TYW1B: variants seen among roughly 807,000 people sequenced by gnomAD.
TYW1B encodes tRNA-yW synthesizing protein 1 homolog B.
Under a neutral mutation model 86.9 loss-of-function variants are expected in TYW1B, and 73 were observed. That is an observed-to-expected ratio of 0.84 (90% confidence interval 0.70 to 1.02). TYW1B has a LOEUF of 1.02. Ranked by LOEUF, TYW1B falls within the 50% of genes least tolerant of loss-of-function variation. TYW1B has a pLI of 0.00. For synonymous variants in TYW1B, 248 were observed against 292.8 expected (o/e 0.85, Z 1.56); for missense variants, 637 against 827.4 (o/e 0.77, Z 2.82).
intron 11 of TYW1B, among the ~76,000 whole-genome samples, chr7:72,654,454 G>A (rs1373864214): frequency 6.6e-6 from 1 of 152,214 alleles, no homozygotes; most frequent in Non-Finnish European, 1.5e-5. Flanking sequence ...AAACTGTCCA[G>A]CCTAGAGAAG....
chr7:72,744,410 G>C (rs1787357654), intron 8 of TYW1B, 74 bp downstream of exon 8: 1 of 1,413,732 alleles, frequency 7.1e-7, no homozygotes, highest in Non-Finnish European at 1.0e-6. Flanking sequence ...GGGTAAGTCT[G>C]AGTGTGAGCT....
chr7:72,681,080 A>G (rs1227451951), intron 11 of TYW1B, among the ~76,000 whole-genome samples: 1 of 152,164 alleles, frequency 6.6e-6, no homozygotes, highest in Non-Finnish European at 1.5e-5. Context: ...AGGTGAGAAA[A>G]GTGAGTCCCT....
intron 13 of TYW1B, among the ~76,000 whole-genome samples, chr7:72,578,150 G>C (rs1811070843): frequency 7.1e-6 from 1 of 139,926 alleles, no homozygotes; most frequent in Non-Finnish European, 1.5e-5. Flanking sequence ...GTCTCGCTCT[G>C]TCACCCAGGC....
intron 5 of TYW1B, among the ~76,000 whole-genome samples, chr7:72,804,096 T>C (rs782565738): frequency 1.0e-4 from 15 of 149,628 alleles, no homozygotes; most frequent in Admixed American, 1.3e-4. Context: ...ACCAGCCTGA[T>C]CAACATGGTG....
At chr7:72,629,190 G>A (rs1364373537) in intron 11 of TYW1B, among the ~76,000 whole-genome samples, 193 bp from the exon 12 acceptor site, 1 of 152,180 alleles carries the variant, frequency 6.6e-6, no homozygotes, top group East Asian at 1.9e-4. Context: ...ATGCCTTATG[G>A]AAGGCACATG....
At chr7:72,635,577 C>G (rs1489318077) in intron 11 of TYW1B, among the ~76,000 whole-genome samples, 1 of 152,148 alleles carries the variant, frequency 6.6e-6, no homozygotes, top group Non-Finnish European at 1.5e-5. Flanking sequence ...TTGAAAAATC[C>G]TACAGTGGAG....
At chr7:72,823,902 C>T (rs1788879168) in intron 2 of TYW1B, among the ~76,000 whole-genome samples, 3 of 152,158 alleles carry the variant, frequency 2.0e-5, no homozygotes, top group Admixed American at 6.6e-5. Flanking sequence ...TCATTATTAA[C>T]TTTCTGTACA....
intron 10 of TYW1B, among the ~76,000 whole-genome samples, chr7:72,710,001 C>T (rs1174336914): frequency 4.6e-5 from 7 of 152,168 alleles, no homozygotes; most frequent in Non-Finnish European, 2.9e-5. Context: ...AGAAGACTCA[C>T]CAGCAAGAGA....
chr7:72,787,068 T>C (rs368403596), intron 6 of TYW1B, among the ~76,000 whole-genome samples: 1 of 152,024 alleles, frequency 6.6e-6, no homozygotes, highest in African/African-American at 2.4e-5. Flanking sequence ...AAAACATTCA[T>C]ACATTTTTCA....
At chr7:72,811,460 A>G (rs1406753213) in intron 3 of TYW1B, among the ~76,000 whole-genome samples, 1 of 151,982 alleles carries the variant, frequency 6.6e-6, no homozygotes, top group Non-Finnish European at 1.5e-5. Context: ...CTGTGGTGTC[A>G]GAAAGACGAG....
At chr7:72,688,631 T>C (rs1554449838) in intron 11 of TYW1B, among the ~76,000 whole-genome samples, 1 of 152,192 alleles carries the variant, frequency 6.6e-6, no homozygotes, top group Non-Finnish European at 1.5e-5. Flanking sequence ...CTTTGCCTTC[T>C]TTAGGCACTT....
At chr7:72,584,370 T>C (rs1428634104) in intron 13 of TYW1B, among the ~76,000 whole-genome samples, 1 of 152,188 alleles carries the variant, frequency 6.6e-6, no homozygotes, top group Admixed American at 6.5e-5. Flanking sequence ...GTTTGTTTGT[T>C]TGTTTTACCC....
At chr7:72,635,158 C>T (rs1454859806) in intron 11 of TYW1B, among the ~76,000 whole-genome samples, 4 of 152,030 alleles carry the variant, frequency 2.6e-5, no homozygotes, top group African/African-American at 7.2e-5. Context: ...CTGACTTTTG[C>T]GTGTGGTGTT....
chr7:72,575,186 G>C lies in TYW1B; in HGVS notation c.*312C>G. 8.8e-7 allele frequency: 1 copy of C among 1,137,014 alleles called. No homozygotes were observed. The highest frequency in any genetic ancestry group is 1.1e-6 in the Non-Finnish European group (1 of 924,682). The allele number at this position is 1,137,014 out of a possible 1,614,324, so 70.4% of individuals were successfully genotyped here. A position where few individuals can be genotyped will look rare whatever the true frequency, so the allele number is the denominator to read the frequency against. ...CACTCTCAGGACTAGCATTCTGGCA[G>C]GTCTTAGAAGTTATAATACAAAACC... On this transcript the variant is annotated 3_prime_UTR_variant, in exon 14 of 14. Transcript: ENST00000620995.
intron 11 of TYW1B, among the ~76,000 whole-genome samples, chr7:72,690,299 T>TC: frequency 1.1e-5 from 1 of 90,236 alleles, no homozygotes; most frequent in Admixed American, 1.1e-4. Context: ...TATATTTCTC[T>TC]TTTTTTAAAA....
At chr7:72,596,452 C>T (rs1347726516) in intron 13 of TYW1B, among the ~76,000 whole-genome samples, 2 of 151,922 alleles carry the variant, frequency 1.3e-5, no homozygotes, top group African/African-American at 4.8e-5. Flanking sequence ...ATATGTAGAA[C>T]AATGGAATAG....
intron 11 of TYW1B, among the ~76,000 whole-genome samples, chr7:72,661,117 A>C (rs1813317645): frequency 6.6e-6 from 1 of 151,372 alleles, no homozygotes; most frequent in Non-Finnish European, 1.5e-5. Context: ...TCTGGACATC[A>C]GAGTAAGACT....
rs543557799 is a variant in TYW1B at position 72,662,759 on chromosome 7, T to G, written c.1506+31928A>C. On this transcript the variant is annotated intron_variant, in intron 11 of 13. Transcript: ENST00000620995. ...TATTCCTATGAAAGTGGCAAATGAGTTTTTGCCATGTACATGAGTTTCTTA... is the reference window on the plus strand; with the variant it reads ...TATTCCTATGAAAGTGGCAAATGAGGTTTTGCCATGTACATGAGTTTCTTA... Among the ~76,000 whole-genome samples, 15 of 152,084 alleles carry G rather than the reference T, an allele frequency of 9.9e-5. No individual in the cohort carries two copies. In the South Asian group the frequency reaches 3.1e-3, roughly 32 times the overall value.
At chr7:72,653,882 C>T (rs1813135274) in intron 11 of TYW1B, among the ~76,000 whole-genome samples, 1 of 151,984 alleles carries the variant, frequency 6.6e-6, no homozygotes, top group African/African-American at 2.4e-5. Context: ...GAGTTTGAGA[C>T]CAGCCCAACC....
Sources: gnomAD v4.1 joint callset for allele counts (sites outside exome capture counted in the v4.1 genomes callset) on GRCh38, gnomAD v4.1.1 for gene constraint, MANE v1.5 for transcripts, NCBI Gene and HGNC (gene_info 2026-07-23, HGNC 2026-07-21) for gene names.